The following MED26 variants were observed in gnomAD, a reference collection of about 807,000 sequenced individuals.
MED26 encodes the protein mediator of RNA polymerase II transcription subunit 26.
In MED26, 7 loss-of-function variants were observed where a neutral mutation model predicts 43.7. That is an observed-to-expected ratio of 0.16 (90% confidence interval 0.09 to 0.30). The LOEUF (loss-of-function observed/expected upper bound fraction) is 0.30, where lower values mean the gene tolerates loss of function less well. MED26 is among the 10% of genes least tolerant of loss of function. MED26 has a pLI of 1.00. For missense variants in MED26, 784 were observed against 840.6 expected, an observed-to-expected ratio of 0.93 and a Z score of 0.83; for synonymous variants, 375 against 371.1, an observed-to-expected ratio of 1.01 and a Z score of -0.12.
rs780901832 is a variant in MED26 at position 16,576,724 on chromosome 19, C to T, written c.1106G>A (p.Arg369Gln). 3.1e-5 allele frequency: 50 copies of T among 1,611,868 alleles called. No homozygotes were observed. The highest frequency in any genetic ancestry group is 8.9e-5 in the East Asian group (4 of 44,878). The change falls in exon 3 of 3, where the codon CGG (arginine) becomes CAG (glutamine). Residue 369 changes from arginine to glutamine, a missense_variant. Coordinates refer to ENST00000263390, the MANE Select transcript of MED26 (RefSeq NM_004831.5). The surrounding 1 kb of genome is among the most constrained non-coding windows in gnomAD (Gnocchi z 6.8). Reference protein sequence around the residue: ...GLSPAEPLLSRAGFSPDSSKA... With the variant: ...GLSPAEPLLSQAGFSPDSSKA... ...GGAGGAGTCTGGGGAAAAGCCTGCCCGGGACAGGAGGGGCTCGGCTGGGGA... is the reference window on the plus strand; with the variant it reads ...GGAGGAGTCTGGGGAAAAGCCTGCCTGGGACAGGAGGGGCTCGGCTGGGGA...
Position 16,587,317 on chromosome 19 carries a change from C to G in MED26, c.73-8908G>C, listed in dbSNP as rs1003689308. On this transcript the variant is annotated intron_variant, in intron 1 of 2. Transcript: ENST00000263390. This position sits in a 1 kb window ranked among gnomAD's most constrained non-coding sequence, Gnocchi z 4.9. Reference sequence around the variant, plus strand: ...CAGTACAAGAGGCGGCACCTGCATCCCCACCCCACCTCCACCCCAAGACCC... The same window carrying G: ...CAGTACAAGAGGCGGCACCTGCATCGCCACCCCACCTCCACCCCAAGACCC... 3.9e-5 allele frequency: 6 copies of G among 152,322 alleles called. No homozygotes were observed. Among genetic ancestry groups the G allele is most frequent in the African/African-American group, 1.4e-4 (6 of 41,420 alleles). 9.4% of individuals were successfully genotyped at this position (152,322 alleles called of 1,614,324 possible).
At chr19:16,622,421 AACTGCAGTGCCTCCCAAG>A (rs2086256131) in intron 1 of MED26, among the ~76,000 whole-genome samples, 1 of 152,234 alleles carries the variant, frequency 6.6e-6, no homozygotes, top group Non-Finnish European at 1.5e-5. Context: ...ACTGAAATGT[AACTGCAGTGCCTCCCAAG>A]GCATGGAATG....
Position 16,578,333 on chromosome 19 carries a change from A to G in MED26, c.147+2T>C, listed in dbSNP as rs149226340. Reference sequence around the variant, plus strand: ...CCAAATGCTGGGGTCTGGGATACTCACCTCAAGTGCCTCTTTGGTAATAGG... The same window carrying G: ...CCAAATGCTGGGGTCTGGGATACTCGCCTCAAGTGCCTCTTTGGTAATAGG... On this transcript the variant is annotated splice_donor_variant, in intron 2 of 2. Transcript: ENST00000263390. LOFTEE classifies it high-confidence loss of function. The G allele has an allele frequency of 4.6e-4, 735 of 1,613,722 alleles. 2 individuals are homozygous for G. The highest frequency in any genetic ancestry group is 4.4e-4 in the Non-Finnish European group (525 of 1,179,810).
intron 1 of MED26, among the ~76,000 whole-genome samples, chr19:16,593,552 G>C (rs1168980844): frequency 6.6e-6 from 1 of 152,190 alleles, no homozygotes; most frequent in Admixed American, 6.5e-5. Flanking sequence ...CATGCCAAAT[G>C]ATGGGTGGAT....
rs2085991694 is a variant in MED26, at chr19:16,575,827, T to C, written c.*200A>G. On this transcript the variant is annotated 3_prime_UTR_variant, in exon 3 of 3. Transcript: ENST00000263390. ...CTTCTTCGCAATTTTGTTAGTAAAC[T>C]GGTAGCAGCATTTCACAAAAAGAGT... 3 of 586,070 alleles carry C rather than the reference T, an allele frequency of 5.1e-6. No homozygotes were observed. The highest frequency in any genetic ancestry group is 9.1e-6 in the Non-Finnish European group (3 of 330,590). The allele number at this position is 586,070 out of a possible 1,614,324, so 36.3% of individuals were successfully genotyped here.
chr19:16,594,356 T>G (rs1452245397), intron 1 of MED26, among the ~76,000 whole-genome samples: 1 of 152,220 alleles, frequency 6.6e-6, no homozygotes, highest in Non-Finnish European at 1.5e-5. Context: ...GTGGCCCCAG[T>G]CAAGCCCCAA....
Position 16,577,501 on chromosome 19 carries a change from T to C in MED26, c.329A>G (p.Asn110Ser). The change falls in exon 3 of 3, where the codon AAC becomes AGC. Residue 110 changes from asparagine (N) to serine (S), a missense_variant. By Grantham distance (46) the Asn-to-Ser change is conservative. This residue lies in a region of MED26 where 719 missense variants were observed against 730.9 expected (regional missense o/e 0.98). Transcript: ENST00000263390. This position sits in a 1 kb window ranked among gnomAD's most constrained non-coding sequence, Gnocchi z 8.1. ...AGCCGCCCCCACCTCCGGCCGGCAG[T>C]TGTGTGCGCCCCCGTTGGCAGAGCC... ...ATGSANGGAH[N>S]CRPEVGAAGP... 6.3e-7 allele frequency: 1 copy of C among 1,595,550 alleles called. No individual in the cohort carries two copies.
chr19:16,624,810 A>G (rs558787193), intron 1 of MED26: 1 of 152,358 alleles, frequency 6.6e-6, no homozygotes, highest in South Asian at 2.1e-4. Flanking sequence ...CAGGTCCAAG[A>G]TGGATGCTAG....
At position 16,586,821 on chromosome 19, in the gene MED26, T is replaced by C. The variant is rs1425545459; in HGVS notation, c.73-8412A>G. The C allele has an allele frequency of 1.3e-5, 2 of 152,112 alleles. No homozygotes were observed. Among genetic ancestry groups the C allele is most frequent in the Admixed American group, 1.3e-4 (2 of 15,274 alleles). The allele number at this position is 152,112 out of a possible 1,614,324, so 9.4% of individuals were successfully genotyped here. The stretch of plus-strand genomic sequence containing the variant: ...CCCCACAGCCCACATAACCTGCTCC[T>C]TGGGCTCAAAACAGCCCCTGCTGAG... On this transcript the variant is annotated intron_variant, in intron 1 of 2. Coordinates refer to ENST00000263390, the MANE Select transcript of MED26 (RefSeq NM_004831.5). This position sits in a 1 kb window ranked among gnomAD's most constrained non-coding sequence, Gnocchi z 5.1.
At chr19:16,609,379 T>C (rs1599344426) in intron 1 of MED26, among the ~76,000 whole-genome samples, 2 of 111,910 alleles carry the variant, frequency 1.8e-5, no homozygotes, top group South Asian at 6.3e-4. Context: ...TCAAAACCAA[T>C]CAGAAGCTGA....
intron 1 of MED26, among the ~76,000 whole-genome samples, chr19:16,615,718 C>T (rs2086222823): frequency 6.6e-6 from 1 of 151,702 alleles, no homozygotes; most frequent in Non-Finnish European, 1.5e-5. Flanking sequence ...TGCACTCCAG[C>T]CTGGGAGGCA....
intron 1 of MED26, among the ~76,000 whole-genome samples, chr19:16,614,850 C>T (rs1039798459): frequency 6.6e-6 from 1 of 152,206 alleles, no homozygotes; most frequent in Non-Finnish European, 1.5e-5. Context: ...CCAAATCCAG[C>T]CGCAGCCACC....
Position 16,575,397 on chromosome 19 carries a change from G to C in MED26, c.*630C>G, listed in dbSNP as rs932877507. The C allele has an allele frequency of 1.3e-5, 2 of 152,760 alleles. No homozygotes were observed. The highest frequency in any genetic ancestry group is 2.9e-5 in the Non-Finnish European group (2 of 68,124). 9.5% of individuals were successfully genotyped at this position (152,760 alleles called of 1,614,324 possible). Reference sequence around the variant, plus strand: ...TTATAACTGAAACCAGATATAAACAGGTGGCTGCCCATGGAGTGTGGGTCA... The same window carrying C: ...TTATAACTGAAACCAGATATAAACACGTGGCTGCCCATGGAGTGTGGGTCA... On this transcript the variant is annotated 3_prime_UTR_variant, in exon 3 of 3. Coordinates refer to ENST00000263390, the MANE Select transcript of MED26 (RefSeq NM_004831.5).
intron 1 of MED26, chr19:16,611,364 G>A (rs1428869453): frequency 6.6e-6 from 1 of 152,178 alleles, no homozygotes; most frequent in Non-Finnish European, 1.5e-5. Flanking sequence ...CTTGACTGGA[G>A]TGTTATGTTG....
intron 1 of MED26, among the ~76,000 whole-genome samples, chr19:16,580,943 T>C (rs1358346566): frequency 1.3e-5 from 2 of 152,186 alleles, no homozygotes; most frequent in African/African-American, 2.4e-5. Flanking sequence ...ACATCTGTCA[T>C]GTACGGTACC....
rs2085993568 is a variant in MED26, at chr19:16,575,953, G to GCCACCTGC, written c.*66_*73dup. 9.0e-6 allele frequency: 13 copies of GCCACCTGC among 1,449,222 alleles called. No individual in the cohort carries two copies. In the South Asian group the frequency reaches 1.3e-4, roughly 15 times the overall value. The allele number at this position is 1,449,222 out of a possible 1,614,324, so 89.8% of individuals were successfully genotyped here. A position where few individuals can be genotyped will look rare whatever the true frequency, so the allele number is the denominator to read the frequency against. ...CAGCGCAGGAGGCAGCTGGGCCCCG[G>GCCACCTGC]CCACCTGCCCACCTGCCTGCCCGCC... is the stretch of plus-strand genomic sequence containing the variant. On this transcript the variant is annotated 3_prime_UTR_variant, in exon 3 of 3. Coordinates refer to ENST00000263390, the MANE Select transcript of MED26 (RefSeq NM_004831.5).
At position 16,577,036 on chromosome 19, in the gene MED26, G is replaced by A. The variant is rs2122372813; in HGVS notation, c.794C>T (p.Pro265Leu). 6.2e-6 allele frequency: 10 copies of A among 1,608,888 alleles called. No homozygotes were observed. The highest frequency in any genetic ancestry group is 8.5e-6 in the Non-Finnish European group (10 of 1,176,490). Reference sequence around the variant, plus strand: ...GAAAGAGCAGCGAGGGGGTCCCTTGGGATGGGGAGGCCCCGGAGTCTCGTC... The same window carrying A: ...GAAAGAGCAGCGAGGGGGTCCCTTGAGATGGGGAGGCCCCGGAGTCTCGTC... ...RVDETPGPPH[P>L]KGPPRCSFSP... The change falls in exon 3 of 3, where the codon CCC becomes CTC. Residue 265 changes from proline to leucine, a missense_variant. Physicochemically the swap from Pro to Leu is moderately conservative, Grantham distance 98 (BLOSUM62 -3). Around this residue, in one of 3 missense-constraint regions of MED26, gnomAD observed 719 missense variants for 730.9 expected, o/e 0.98. Transcript: ENST00000263390. This position sits in a 1 kb window ranked among gnomAD's most constrained non-coding sequence, Gnocchi z 8.1.
At chr19:16,616,154 T>C (rs1414003909) in intron 1 of MED26, among the ~76,000 whole-genome samples, 2 of 152,156 alleles carry the variant, frequency 1.3e-5, no homozygotes, top group African/African-American at 4.8e-5. Flanking sequence ...CCACCAAGCC[T>C]GTGTATTATT....
rs1159028605 is a variant in MED26 at position 16,574,934 on chromosome 19, T to A, written c.*1093A>T. ...TTTGTGCAAATGGTTTTTTTTTTTT[T>A]TTTATTTCCACATTTATATCACAAG... On this transcript the variant is annotated 3_prime_UTR_variant, in exon 3 of 3. Transcript: ENST00000263390. 4 of 152,516 alleles carry A rather than the reference T, an allele frequency of 2.6e-5. No homozygotes were observed. The highest frequency in any genetic ancestry group is 2.1e-4 in the South Asian group (1 of 4,832). The allele number at this position is 152,516 out of a possible 1,614,324, so 9.4% of individuals were successfully genotyped here.
Sources: gnomAD v4.1 joint callset for allele counts (sites outside exome capture counted in the v4.1 genomes callset) on GRCh38, gnomAD v4.1.1 for gene constraint, gnomAD v4.1.1 regional missense constraint, Gnocchi (gnomAD v3.1) non-coding constraint, MANE v1.5 for transcripts, NCBI Gene and HGNC (gene_info 2026-07-23, HGNC 2026-07-21) for gene names.